The following DENND2C variants were observed in gnomAD, a reference collection of about 807,000 sequenced individuals.
DENND2C encodes DENN domain containing 2C.
DENND2C carries 72 observed loss-of-function variants against 112.4 expected under a neutral mutation model. The observed-to-expected ratio is 0.64, with a 90% CI of 0.53 to 0.78. The LOEUF (loss-of-function observed/expected upper bound fraction) is 0.78. Among genes scored for constraint, DENND2C ranks in the 30% least tolerant of loss-of-function variants. The probability of loss-of-function intolerance (pLI) is 0.00; values close to 1 mark genes in which losing one functional copy is unlikely to be tolerated. For missense variants in DENND2C, 992 were observed against 1,113.8 expected (o/e 0.89, Z 1.56); for synonymous variants, 329 against 381.6 (o/e 0.86, Z 1.61).
Position 114,611,048 on chromosome 1 carries a change from G to A in DENND2C, c.1369+25C>T, listed in dbSNP as rs770416849. On this transcript the variant is annotated intron_variant, in intron 9 of 20. Coordinates refer to ENST00000393274, the MANE Select transcript of DENND2C (RefSeq NM_001256404.2). ...CTAACCCATGATCATCACAACAACG[G>A]GAGCAGCCCCATTGACTCACTCACT... 23 of 1,613,846 alleles carry A rather than the reference G, an allele frequency of 1.4e-5. No homozygotes were observed. The Admixed American group carries it at 3.7e-4, about 26-fold the overall frequency.
intron 18 of DENND2C, among the ~76,000 whole-genome samples, chr1:114,589,900 T>C (rs1655138593): frequency 6.6e-6 from 1 of 152,178 alleles, no homozygotes; most frequent in African/African-American, 2.4e-5. Flanking sequence ...GCGACTCCAA[T>C]GGCATTCTTC....
In DENND2C at chr1:114,582,930, C is replaced by G. The variant is rs1183879547; in HGVS notation, c.*2670G>C. The stretch of plus-strand genomic sequence containing the variant: ...AATCTTGATTCTTTTACAAAAATAT[C>G]CAGAATTCCTAACACTTTACAGAAA... On this transcript the variant is annotated 3_prime_UTR_variant, in exon 21 of 21. Coordinates refer to ENST00000393274, the MANE Select transcript of DENND2C (RefSeq NM_001256404.2). 6.6e-6 allele frequency: 1 copy of G among 152,086 alleles called. No individual in the cohort carries two copies. 9.4% of individuals were successfully genotyped at this position (152,086 alleles called of 1,614,324 possible). A position where few individuals can be genotyped will look rare whatever the true frequency, so the allele number is the denominator to read the frequency against.
intron 8 of DENND2C, among the ~76,000 whole-genome samples, chr1:114,611,609 G>A (rs761775604): frequency 5.9e-5 from 9 of 152,098 alleles, no homozygotes; most frequent in African/African-American, 9.7e-5. Context: ...GCCTCTAAGT[G>A]CCTCTAAACT....
At position 114,595,878 on chromosome 1, in the gene DENND2C, G is replaced by T; in HGVS notation, c.2284-5C>A. ...ACAGAGATCAACTATCAGCACCTATGAAATAAAGGAGCCAGGCAAGTTCAA... is the reference window on the plus strand; with the variant it reads ...ACAGAGATCAACTATCAGCACCTATTAAATAAAGGAGCCAGGCAAGTTCAA... On this transcript the variant is annotated splice_polypyrimidine_tract_variant and splice_region_variant and intron_variant, in intron 16 of 20. Coordinates refer to ENST00000393274, the MANE Select transcript of DENND2C (RefSeq NM_001256404.2). 1 of 1,613,668 alleles carries T rather than the reference G, an allele frequency of 6.2e-7. No homozygotes were observed. Among genetic ancestry groups the T allele is most frequent in the South Asian group, 1.1e-5 (1 of 91,044 alleles).
chr1:114,617,736 GA>G (rs1021336201), intron 8 of DENND2C, among the ~76,000 whole-genome samples: 1,846 of 138,490 alleles, frequency 0.013, 36 homozygotes, highest in African/African-American at 0.044. Context: ...TATCCTCAGA[GA>G]AAAAAAAAAA....
intron 8 of DENND2C, among the ~76,000 whole-genome samples, chr1:114,617,995 T>A (rs1246683437): frequency 6.6e-6 from 1 of 151,966 alleles, no homozygotes; most frequent in East Asian, 1.9e-4. Flanking sequence ...ACCAAATTTT[T>A]TTTTTTTTTT....
intron 3 of DENND2C, among the ~76,000 whole-genome samples, chr1:114,631,207 C>T (rs539369571): frequency 3.5e-4 from 53 of 151,914 alleles, no homozygotes; most frequent in African/African-American, 1.2e-3. Context: ...GAAACCCCAT[C>T]TCTACTAAAA....
rs527350011 is a variant in DENND2C at position 114,608,924 on chromosome 1, T to C, written c.1370-51A>G. ...TTTTTTCTCTGTAGCCCTACCTTCC[T>C]TTCAGCATCCAGAGGTCATGACCCA... On this transcript the variant is annotated intron_variant, in intron 9 of 20. Transcript: ENST00000393274. 959 of 1,600,496 alleles carry C rather than the reference T, an allele frequency of 6.0e-4. 9 individuals are homozygous for C. In the South Asian group the frequency reaches 9.4e-3, roughly 16 times the overall value.
intron 9 of DENND2C, 104 bp from the exon 10 acceptor site, chr1:114,608,977 G>A (rs1655738675): frequency 4.1e-6 from 5 of 1,230,696 alleles, no homozygotes; most frequent in African/African-American, 3.0e-5. Context: ...CACAGTCACT[G>A]CTGAATGAAT....
chr1:114,590,007 T>C (rs1655141160), intron 18 of DENND2C, among the ~76,000 whole-genome samples: 1 of 152,236 alleles, frequency 6.6e-6, no homozygotes, highest in Non-Finnish European at 1.5e-5. Context: ...CCCAATAGCA[T>C]ATTAGTAGGT....
chr1:114,652,381 A>C (rs938884340), intron 2 of DENND2C, among the ~76,000 whole-genome samples: 1 of 152,128 alleles, frequency 6.6e-6, no homozygotes, highest in African/African-American at 2.4e-5. Flanking sequence ...TGAAAGTTAC[A>C]CAATTGACTC....
intron 1 of DENND2C, among the ~76,000 whole-genome samples, chr1:114,656,933 T>C (rs983748270): frequency 2.0e-5 from 3 of 151,840 alleles, no homozygotes; most frequent in Admixed American, 6.6e-5. Flanking sequence ...TGTATTTTAG[T>C]AGGGATGGGG....
intron 1 of DENND2C, among the ~76,000 whole-genome samples, chr1:114,663,102 T>C (rs1254384895): frequency 1.3e-5 from 2 of 152,226 alleles, no homozygotes; most frequent in Non-Finnish European, 2.9e-5. Flanking sequence ...TTCAGTCTTA[T>C]AATTTGCTAT....
At chr1:114,598,523 G>T (rs779487863) in intron 16 of DENND2C, among the ~76,000 whole-genome samples, 2 of 151,702 alleles carry the variant, frequency 1.3e-5, no homozygotes, top group Non-Finnish European at 2.9e-5. Flanking sequence ...CTTTGGTGGG[G>T]GATGGGGATG....
intron 2 of DENND2C, among the ~76,000 whole-genome samples, chr1:114,652,370 T>G (rs1044362966): frequency 6.6e-6 from 1 of 152,136 alleles, no homozygotes; most frequent in Non-Finnish European, 1.5e-5. Flanking sequence ...TAATGTGAAT[T>G]TGAAAGTTAC....
chr1:114,596,660 A>G (rs1222172721), intron 16 of DENND2C, among the ~76,000 whole-genome samples: 1 of 152,228 alleles, frequency 6.6e-6, no homozygotes, highest in Non-Finnish European at 1.5e-5. Flanking sequence ...CCATGACTTG[A>G]TAAGTACTGA....
At position 114,655,836 on chromosome 1, in the gene DENND2C, C is replaced by A. The variant is rs1466449904; in HGVS notation, c.-573-1075G>T. The stretch of plus-strand genomic sequence containing the variant: ...ACATACATAAAGCACATAAAGTCCA[C>A]TAATCTTACATGTACAGCTCAAAGA... On this transcript the variant is annotated intron_variant, in intron 1 of 20. Transcript: ENST00000393274. 2.7e-5 allele frequency among the ~76,000 whole-genome samples: 4 copies of A among 147,644 alleles called. No individual in the cohort carries two copies. In the East Asian group the frequency reaches 8.1e-4, roughly 30 times the overall value.
intron 4 of DENND2C, 27 bp downstream of exon 4, chr1:114,625,152 G>A (rs1235998252): frequency 6.4e-7 from 1 of 1,558,532 alleles, no homozygotes; most frequent in Admixed American, 2.0e-5. Flanking sequence ...ATACCTACAA[G>A]TCTTTATCTG....
intron 2 of DENND2C, among the ~76,000 whole-genome samples, chr1:114,649,770 A>G (rs1657103427): frequency 1.3e-5 from 2 of 152,196 alleles, no homozygotes; most frequent in South Asian, 4.1e-4. Flanking sequence ...TAAAGTATTC[A>G]AAGGTTGAAG....
Sources: gnomAD v4.1 joint callset for allele counts (sites outside exome capture counted in the v4.1 genomes callset) on GRCh38, gnomAD v4.1.1 for gene constraint, MANE v1.5 for transcripts, NCBI Gene and HGNC (gene_info 2026-07-23, HGNC 2026-07-21) for gene names.